TYR: variants seen among roughly 807,000 people sequenced by gnomAD.
TYR encodes the protein tyrosinase, also known as LB24-AB.
TYR carries 58 observed loss-of-function variants against 51.5 expected under a neutral mutation model. That is an observed-to-expected ratio of 1.13 (90% CI 0.91 to 1.40). The LOEUF (loss-of-function observed/expected upper bound fraction) is 1.40. Ranked by LOEUF, TYR falls within the 40% of genes most tolerant of loss-of-function variation. The pLI is 0.00. For synonymous variants in TYR, 263 were observed against 235.2 expected, an observed-to-expected ratio of 1.12 and a Z score of -1.08; for missense variants, 732 against 647.4, an observed-to-expected ratio of 1.13 and a Z score of -1.42.
intron 3 of TYR, among the ~76,000 whole-genome samples, chr11:89,281,405 C>A (rs987630868): frequency 6.6e-6 from 1 of 151,658 alleles, no homozygotes; most frequent in African/African-American, 2.4e-5. Context: ...GAGGTCTTCA[C>A]CATAAAAACC....
intron 3 of TYR, among the ~76,000 whole-genome samples, chr11:89,262,703 C>G (rs1461200779): frequency 1.4e-5 from 2 of 143,686 alleles, no homozygotes; most frequent in Non-Finnish European, 3.0e-5. Flanking sequence ...CAAAGGAATA[C>G]TATAAACAAT....
At chr11:89,237,854 G>C (rs914737410) in intron 3 of TYR, among the ~76,000 whole-genome samples, 2 of 150,116 alleles carry the variant, frequency 1.3e-5, no homozygotes, top group Admixed American at 6.6e-5. Context: ...ATTTATTTTT[G>C]AGACAGAGTC....
chr11:89,182,513 T>C (rs994166446), intron 1 of TYR, among the ~76,000 whole-genome samples: 1 of 152,184 alleles, frequency 6.6e-6, no homozygotes, highest in Admixed American at 6.6e-5. Flanking sequence ...AGAGAGAAGA[T>C]GAAGCAAGGT....
Position 89,252,212 on chromosome 11 carries a change from C to A in TYR, c.1184+24242C>A, listed in dbSNP as rs568685020. On this transcript the variant is annotated intron_variant, in intron 3 of 4. Coordinates refer to ENST00000263321, the MANE Select transcript of TYR (RefSeq NM_000372.5). ...AATCTGAAAATTCCCTTGAGACGAT[C>A]AGTACCAAGCCAGAAAAATATAATA... Among the ~76,000 whole-genome samples, 6 of 146,084 alleles carry A rather than the reference C, an allele frequency of 4.1e-5. No individual in the cohort carries two copies. The East Asian group carries it at 1.2e-3, about 28-fold the overall frequency.
chr11:89,217,686 G>A (rs1247842224), intron 2 of TYR, among the ~76,000 whole-genome samples: 1 of 152,106 alleles, frequency 6.6e-6, no homozygotes, highest in Non-Finnish European at 1.5e-5. Context: ...TTTCCCTCTA[G>A]GATCCAGTAA....
Position 89,231,197 on chromosome 11 carries a change from G to C in TYR, c.1184+3227G>C, listed in dbSNP as rs565385105. 1.1e-4 allele frequency among the ~76,000 whole-genome samples: 11 copies of C among 104,572 alleles called. No homozygotes were observed. In the South Asian group the frequency reaches 2.2e-3, roughly 21 times the overall value. 68.6% of individuals were successfully genotyped at this position (104,572 alleles called of 152,430 possible). A position where few individuals can be genotyped will look rare whatever the true frequency, so the allele number is the denominator to read the frequency against. ...AAAAAAAAAAAAAAAAAAAAGGAAGGAATTGTTGTACTGTTCATGGGAATG... is the reference window on the plus strand; with the variant it reads ...AAAAAAAAAAAAAAAAAAAAGGAAGCAATTGTTGTACTGTTCATGGGAATG... On this transcript the variant is annotated intron_variant, in intron 3 of 4. Transcript: ENST00000263321.
intron 2 of TYR, among the ~76,000 whole-genome samples, chr11:89,219,186 C>T (rs1459889467): frequency 2.0e-5 from 3 of 151,964 alleles, no homozygotes; most frequent in South Asian, 2.1e-4. Context: ...AAATTCCAAA[C>T]AATAGACTAG....
intron 2 of TYR, among the ~76,000 whole-genome samples, chr11:89,198,667 A>G (rs1297794540): frequency 6.6e-6 from 1 of 152,072 alleles, no homozygotes; most frequent in Non-Finnish European, 1.5e-5. Flanking sequence ...TCAGCAAAGT[A>G]ATTATTCTAA....
At chr11:89,292,402 C>T (rs370456859) in intron 4 of TYR, among the ~76,000 whole-genome samples, 12 of 151,882 alleles carry the variant, frequency 7.9e-5, no homozygotes, top group Admixed American at 2.0e-4. Context: ...TATAATGTGA[C>T]GGGTATGATA....
At chr11:89,218,011 T>C (rs1170780830) in intron 2 of TYR, among the ~76,000 whole-genome samples, 1 of 152,200 alleles carries the variant, frequency 6.6e-6, no homozygotes, top group Non-Finnish European at 1.5e-5. Context: ...TCTTCTATCC[T>C]AACATCTACT....
chr11:89,184,172 G>C (rs1464952077), intron 1 of TYR, among the ~76,000 whole-genome samples: 1 of 151,322 alleles, frequency 6.6e-6, no homozygotes, highest in Non-Finnish European at 1.5e-5. Context: ...AACCAGGGTA[G>C]ATTTTCTCCT....
intron 3 of TYR, among the ~76,000 whole-genome samples, chr11:89,229,655 G>T (rs1473863220): frequency 1.3e-5 from 2 of 151,872 alleles, no homozygotes; most frequent in African/African-American, 4.8e-5. Flanking sequence ...AAAAGCCTGA[G>T]AATTCACTGG....
At chr11:89,262,066 AT>A (rs796852091) in intron 3 of TYR, among the ~76,000 whole-genome samples, 2 of 151,094 alleles carry the variant, frequency 1.3e-5, no homozygotes, top group South Asian at 2.1e-4. Context: ...GAGATTTTTT[AT>A]TTTTTTTTGA....
rs538986549 is a variant in TYR at position 89,264,641 on chromosome 11, C to A, written c.1185-20132C>A. 3.4e-3 allele frequency among the ~76,000 whole-genome samples: 518 copies of A among 150,570 alleles called. 1 individual carries two copies. Among genetic ancestry groups the A allele is most frequent in the Middle Eastern group, 6.8e-3 (2 of 292 alleles). On this transcript the variant is annotated intron_variant, in intron 3 of 4. Coordinates refer to ENST00000263321, the MANE Select transcript of TYR (RefSeq NM_000372.5). ...CATATGTTCATTGTAGCACTATTCA[C>A]AATAGCAAAGACATGGAATCAACCT...
chr11:89,289,536 C>T (rs373964345), intron 4 of TYR, among the ~76,000 whole-genome samples: 26 of 151,992 alleles, frequency 1.7e-4, no homozygotes, highest in African/African-American at 6.3e-4. Context: ...CAACATTACT[C>T]TCGAAATGAT....
intron 2 of TYR, among the ~76,000 whole-genome samples, chr11:89,210,869 C>T (rs1943744982): frequency 6.6e-6 from 1 of 152,096 alleles, no homozygotes; most frequent in African/African-American, 2.4e-5. Flanking sequence ...ACTAAGATTC[C>T]TAAGTGAAGG....
At chr11:89,207,864 T>C (rs1375844635) in intron 2 of TYR, among the ~76,000 whole-genome samples, 1 of 152,192 alleles carries the variant, frequency 6.6e-6, no homozygotes, top group Admixed American at 6.5e-5. Flanking sequence ...TCTACTATAT[T>C]ACATAATATT....
intron 3 of TYR, among the ~76,000 whole-genome samples, chr11:89,280,323 A>G (rs1345552663): frequency 6.6e-6 from 1 of 151,590 alleles, no homozygotes; most frequent in Non-Finnish European, 1.5e-5. Context: ...AAATTATCCC[A>G]TAATTCTTAA....
At chr11:89,274,106 G>C (rs918220978) in intron 3 of TYR, among the ~76,000 whole-genome samples, 1 of 151,924 alleles carries the variant, frequency 6.6e-6, no homozygotes, top group East Asian at 1.9e-4. Flanking sequence ...GAAAAGAAGA[G>C]TGGAGCACAT....
Sources: gnomAD v4.1 joint callset for allele counts (sites outside exome capture counted in the v4.1 genomes callset) on GRCh38, gnomAD v4.1.1 for gene constraint, MANE v1.5 for transcripts, NCBI Gene and HGNC (gene_info 2026-07-23, HGNC 2026-07-21) for gene names.